The following RNF145 variants were observed in gnomAD, a reference collection of about 807,000 sequenced individuals.
RNF145 encodes ring finger protein 145.
A neutral mutation model predicts 57.3 loss-of-function variants in RNF145; 12 were observed. The observed-to-expected ratio is 0.21, with a 90% CI of 0.13 to 0.34. RNF145 has a LOEUF of 0.34. Among genes scored for constraint, RNF145 ranks in the 10% least tolerant of loss-of-function variants. The pLI, the probability that RNF145 is intolerant of heterozygous loss-of-function variation, is 1.00. For missense variants in RNF145, 429 were observed against 799.0 expected (o/e 0.54, Z 5.58); for synonymous variants, 262 against 288.3 (o/e 0.91, Z 0.92).
chr5:159,198,497 T>C (rs1785540641), intron 2 of RNF145, among the ~76,000 whole-genome samples: 1 of 152,064 alleles, frequency 6.6e-6, no homozygotes, highest in Non-Finnish European at 1.5e-5. Flanking sequence ...ATGAGATACA[T>C]ATTTAAATAG....
intron 3 of RNF145, among the ~76,000 whole-genome samples, chr5:159,189,071 G>A (rs1323935829): frequency 6.6e-6 from 1 of 151,364 alleles, no homozygotes; most frequent in Non-Finnish European, 1.5e-5. Flanking sequence ...TGCAGTGAAT[G>A]GAAGAATATA....
intron 8 of RNF145, among the ~76,000 whole-genome samples, chr5:159,168,399 G>A (rs1784451204): frequency 6.6e-6 from 1 of 152,028 alleles, no homozygotes; most frequent in African/African-American, 2.4e-5. Flanking sequence ...AAATGAGGCT[G>A]TTTTTCCATA....
intron 1 of RNF145, among the ~76,000 whole-genome samples, chr5:159,204,395 G>A (rs1326354995): frequency 6.6e-6 from 1 of 151,120 alleles, no homozygotes; most frequent in Non-Finnish European, 1.5e-5. Flanking sequence ...GTGGGGGGGG[G>A]CAGGGGGAGG....
intron 4 of RNF145, among the ~76,000 whole-genome samples, chr5:159,177,886 G>A (rs1784768204): frequency 6.6e-6 from 1 of 151,954 alleles, no homozygotes; most frequent in Non-Finnish European, 1.5e-5. Context: ...TTATCAATAA[G>A]TATATGAAAA....
At position 159,162,425 on chromosome 5, in the gene RNF145, C is replaced by CTTTTTTT. The variant is rs201178143; in HGVS notation, c.1269+500_1269+506dup. Among the ~76,000 whole-genome samples, 642 of 134,436 alleles carry CTTTTTTT rather than the reference C, an allele frequency of 4.8e-3. 10 individuals carry two copies. The highest frequency in any genetic ancestry group is 0.013 in the African/African-American group (453 of 35,378). The allele number at this position is 134,436 out of a possible 152,430, so 88.2% of individuals were successfully genotyped here. A position where few individuals can be genotyped will look rare whatever the true frequency, so the allele number is the denominator to read the frequency against. On this transcript the variant is annotated intron_variant, in intron 9 of 10. Transcript: ENST00000424310. ...CATCAATAGGTTTATGTAATATTTT[C>CTTTTTTT]TTTTTTTTTTTTTTTTTTTTGAGAC... is the stretch of plus-strand genomic sequence containing the variant.
chr5:159,161,485 C>T lies in RNF145; in HGVS notation c.1407G>A (p.Val469=), dbSNP rs371278772. ...TGGTCTCTGAGACGCCATAGGCCAC[C>T]ACACAGAGGGCCACAAGAAACTCCA... The part of the protein sequence containing the change: ...RLLEFLVALC[V]VAYGVSETIF... Residue 469 remains valine, a synonymous_variant, in exon 10 of 11, where the codon GTG becomes GTA. Transcript: ENST00000424310. 1.2e-6 allele frequency: 2 copies of T among 1,614,104 alleles called. No individual in the cohort carries two copies. The highest frequency in any genetic ancestry group is 1.7e-6 in the Non-Finnish European group (2 of 1,180,000).
rs202040322 is a variant in RNF145 at position 159,174,135 on chromosome 5, G to A, written c.645C>T (p.Leu215=). 3.0e-5 allele frequency: 48 copies of A among 1,611,496 alleles called. No individual in the cohort carries two copies. The highest frequency in any genetic ancestry group is 3.5e-5 in the Non-Finnish European group (41 of 1,178,854). ...LVQVVEVYGL[L]ALGMSLWNQL... ...GATTCCACAGGGACATTCCCAAGGC[G>A]AGAAGGCCATATACCTCCACTACCT... Residue 215 remains leucine (L), a synonymous_variant, in exon 6 of 11, where the codon CTC becomes CTT. Transcript: ENST00000424310.
intron 3 of RNF145, 77 bp downstream of exon 3, chr5:159,194,639 T>C: frequency 1.1e-6 from 1 of 930,544 alleles, no homozygotes; most frequent in African/African-American, 1.6e-5. Flanking sequence ...CTTAACAGTG[T>C]TCATGAAAAG....
intron 4 of RNF145, 30 bp downstream of exon 4, chr5:159,181,929 AC>A: frequency 7.7e-7 from 1 of 1,296,512 alleles, no homozygotes; most frequent in Non-Finnish European, 1.1e-6. Flanking sequence ...GTCGGTTCCT[AC>A]CTACACTTTA....
At chr5:159,171,027 C>CAATT (rs1281303548) in intron 6 of RNF145, among the ~76,000 whole-genome samples, 3 of 152,270 alleles carry the variant, frequency 2.0e-5, no homozygotes, top group East Asian at 3.9e-4. Context: ...CTTTCCTACA[C>CAATT]AATTGCTTAT....
chr5:159,208,132 C>A, intron 1 of RNF145: 1 of 1,431,194 alleles, frequency 7.0e-7, no homozygotes, highest in Non-Finnish European at 9.1e-7. Context: ...CCTCCTCCCA[C>A]AACGCCTGCA....
In RNF145 at chr5:159,207,583, A is replaced by G. The variant is rs889896228; in HGVS notation, c.-40+1648T>C. 20 of 1,593,938 alleles carry G rather than the reference A, an allele frequency of 1.3e-5. No individual in the cohort carries two copies. In the African/African-American group the frequency reaches 2.3e-4, roughly 18 times the overall value. On this transcript the variant is annotated intron_variant, in intron 1 of 10. Transcript: ENST00000424310. ...CGGGCTGTCCATCGGTTAGGATGGTAGGCCTCACTGAAAATGTTAAGAGCA... is the reference window on the plus strand; with the variant it reads ...CGGGCTGTCCATCGGTTAGGATGGTGGGCCTCACTGAAAATGTTAAGAGCA...
At chr5:159,183,537 C>G (rs535760948) in intron 3 of RNF145, among the ~76,000 whole-genome samples, 4 of 151,410 alleles carry the variant, frequency 2.6e-5, no homozygotes. Flanking sequence ...CTATAGGTAA[C>G]CATCAATGGA....
At chr5:159,197,330 G>A (rs1410673811) in intron 2 of RNF145, among the ~76,000 whole-genome samples, 3 of 152,208 alleles carry the variant, frequency 2.0e-5, no homozygotes, top group Non-Finnish European at 4.4e-5. Flanking sequence ...ATTGGGAGAT[G>A]ATGCTGAAAG....
At chr5:159,180,812 T>C (rs1275119737) in intron 4 of RNF145, among the ~76,000 whole-genome samples, 2 of 152,112 alleles carry the variant, frequency 1.3e-5, no homozygotes, top group Non-Finnish European at 2.9e-5. Flanking sequence ...CAGCACACCT[T>C]AATCTCAATT....
chr5:159,195,971 TTC>T (rs1045681130), intron 2 of RNF145, among the ~76,000 whole-genome samples: 4 of 152,220 alleles, frequency 2.6e-5, no homozygotes, highest in African/African-American at 4.8e-5. Flanking sequence ...CTGTCATCTT[TTC>T]TCTCTTATCG....
intron 3 of RNF145, among the ~76,000 whole-genome samples, chr5:159,190,907 A>G (rs1246898448): frequency 6.6e-6 from 1 of 152,032 alleles, no homozygotes; most frequent in East Asian, 1.9e-4. Context: ...TAAGAGGAAA[A>G]TATTAATACT....
intron 2 of RNF145, among the ~76,000 whole-genome samples, chr5:159,198,677 G>T (rs1170737656): frequency 6.6e-6 from 1 of 152,180 alleles, no homozygotes; most frequent in Admixed American, 6.5e-5. Flanking sequence ...ACAACAAATT[G>T]AAATGTCCAT....
intron 6 of RNF145, among the ~76,000 whole-genome samples, chr5:159,170,939 A>T (rs1302613744): frequency 6.6e-6 from 1 of 152,220 alleles, no homozygotes; most frequent in Non-Finnish European, 1.5e-5. Context: ...GAAGAATTTC[A>T]CTGATATAGA....
Sources: gnomAD v4.1 joint callset for allele counts (sites outside exome capture counted in the v4.1 genomes callset) on GRCh38, gnomAD v4.1.1 for gene constraint, MANE v1.5 for transcripts, NCBI Gene and HGNC (gene_info 2026-07-23, HGNC 2026-07-21) for gene names.